Variants in SLC22A5 observed in about 807,000 individuals in gnomAD.
SLC22A5 encodes the protein organic cation/carnitine transporter 2.
In SLC22A5, 44 loss-of-function variants were observed where a neutral mutation model predicts 56.7. The ratio of observed to expected loss-of-function variants is 0.78; its 90% CI spans 0.61 to 1.00. SLC22A5 has a LOEUF of 1.00. Among genes scored for constraint, SLC22A5 ranks in the 50% least tolerant of loss-of-function variants. The pLI, the probability that SLC22A5 is intolerant of heterozygous loss-of-function variation, is 0.00. For missense variants in SLC22A5, 675 were observed against 723.0 expected, an observed-to-expected ratio of 0.93 and a Z score of 0.76; for synonymous variants, 278 against 292.1, an observed-to-expected ratio of 0.95 and a Z score of 0.49.
chr5:132,394,209 T>G lies in SLC22A5; in HGVS notation c.1611T>G (p.Ser537Arg). 1.2e-6 allele frequency: 2 copies of G among 1,613,524 alleles called. No individual in the cohort carries two copies. Among genetic ancestry groups the G allele is most frequent in the Non-Finnish European group, 1.7e-6 (2 of 1,179,380 alleles). ...GAATGAAACACAGAAAAACTCCAAG[T>G]CACACAAGGATGTTAAAAGATGGTC... is the stretch of plus-strand genomic sequence containing the variant. The part of the protein sequence containing the change: ...VKGMKHRKTP[S>R]HTRMLKDGQE... The change falls in exon 10 of 10, where the codon AGT (serine) becomes AGG (arginine). Residue 537 changes from serine to arginine, a missense_variant. Transcript: ENST00000245407.
At chr5:132,374,474 G>T (rs1384932035) in intron 1 of SLC22A5, among the ~76,000 whole-genome samples, 1 of 152,166 alleles carries the variant, frequency 6.6e-6, no homozygotes, top group Non-Finnish European at 1.5e-5. Flanking sequence ...TGGGACCGGG[G>T]CTGACTCTGG....
Position 132,369,747 on chromosome 5 carries a change from G to T in SLC22A5, c.-226G>T. The stretch of plus-strand genomic sequence containing the variant: ...GCCGCTCTGCCTGCCAGCGGGGCGC[G>T]CCTTGCGGCCCAGGCCCGCAACCTT... On this transcript the variant is annotated 5_prime_UTR_variant, in exon 1 of 10. Coordinates refer to ENST00000245407, the MANE Select transcript of SLC22A5 (RefSeq NM_003060.4). 2.0e-6 allele frequency: 1 copy of T among 489,078 alleles called. No homozygotes were observed. 30.3% of individuals were successfully genotyped at this position (489,078 alleles called of 1,614,324 possible).
intron 5 of SLC22A5, 148 bp downstream of exon 5, chr5:132,387,299 C>G: frequency 1.2e-6 from 1 of 834,572 alleles, no homozygotes; most frequent in Non-Finnish European, 2.0e-6. Context: ...TCCCCCCACT[C>G]CCCACCCCCA....
In SLC22A5 at chr5:132,388,990, C is replaced by G; in HGVS notation, c.1021C>G (p.Arg341Gly). The G allele has an allele frequency of 6.2e-7, 1 of 1,613,388 alleles. No individual in the cohort carries two copies. The highest frequency in any genetic ancestry group is 8.5e-7 in the Non-Finnish European group (1 of 1,179,320). ...GGATCTGCTTCGAACCTGGAATATCCGGATGGTCACCATCATGTCCATAAT... is the reference window on the plus strand; with the variant it reads ...GGATCTGCTTCGAACCTGGAATATCGGGATGGTCACCATCATGTCCATAAT... ...ILDLLRTWNI[R>G]MVTIMSIMLW... Residue 341 changes from arginine to glycine, a missense_variant, in exon 6 of 10, where the codon CGG becomes GGG. Coordinates refer to ENST00000245407, the MANE Select transcript of SLC22A5 (RefSeq NM_003060.4).
intron 1 of SLC22A5, among the ~76,000 whole-genome samples, chr5:132,374,196 G>C (rs1490759883): frequency 6.6e-6 from 1 of 151,432 alleles, no homozygotes; most frequent in Non-Finnish European, 1.5e-5. Flanking sequence ...GCCAGCCTGG[G>C]TGACAAGAGC....
At chr5:132,371,656 T>C (rs1252076033) in intron 1 of SLC22A5, among the ~76,000 whole-genome samples, 2 of 152,130 alleles carry the variant, frequency 1.3e-5, no homozygotes, top group African/African-American at 4.8e-5. Flanking sequence ...ATTCGCAGGT[T>C]AGAGAAGGCT....
At chr5:132,378,502 A>G (rs1223535641) in intron 2 of SLC22A5, 21 bp downstream of exon 2, 2 of 1,568,718 alleles carry the variant, frequency 1.3e-6, no homozygotes, top group Non-Finnish European at 1.8e-6. Context: ...TGTCTTCTGG[A>G]GCACCAGGGG....
chr5:132,383,941 C>T, intron 2 of SLC22A5: 1 of 617,532 alleles, frequency 1.6e-6, no homozygotes, highest in Non-Finnish European at 2.9e-6. Context: ...AACCCTGGTA[C>T]CCAGGCTGTA....
intron 4 of SLC22A5, among the ~76,000 whole-genome samples, chr5:132,385,759 T>G (rs541927382): frequency 6.6e-6 from 1 of 152,368 alleles, no homozygotes; most frequent in East Asian, 1.9e-4. Context: ...TGTGAGAAGA[T>G]GGGGTCCAGC....
chr5:132,378,345 G>A (rs1465335445), intron 1 of SLC22A5, 33 bp from the exon 2 acceptor site: 2 of 1,612,372 alleles, frequency 1.2e-6, no homozygotes, highest in Non-Finnish European at 1.7e-6. Flanking sequence ...TTAAAAAGAA[G>A]TGAATGATAC....
chr5:132,381,659 T>C (rs1007782474), intron 2 of SLC22A5: 5 of 152,234 alleles, frequency 3.3e-5, no homozygotes, highest in African/African-American at 1.2e-4. Context: ...TACTCCTGGG[T>C]TGTCAAAGCC....
chr5:132,386,168 A>C (rs13161860), intron 4 of SLC22A5, among the ~76,000 whole-genome samples: 11,698 of 151,880 alleles, frequency 0.077, 577 homozygotes, highest in East Asian at 0.28. Context: ...TCCATAGAGC[A>C]CTCAAGTGCC....
At position 132,392,399 on chromosome 5, in the gene SLC22A5, A is replaced by G. The variant is rs11568515; in HGVS notation, c.1268-34A>G. ...CAATAGCTGCATGCCATGGGTTGGT[A>G]CCTACTCCTACCCTCTTTCCTTTGC... On this transcript the variant is annotated intron_variant, in intron 7 of 9. Coordinates refer to ENST00000245407, the MANE Select transcript of SLC22A5 (RefSeq NM_003060.4). 0.011 allele frequency: 16,679 copies of G among 1,585,736 alleles called. 320 individuals are homozygous for G. Among genetic ancestry groups the G allele is most frequent in the African/African-American group, 0.084 (6,280 of 74,466 alleles).
At chr5:132,391,006 G>A in intron 7 of SLC22A5, 102 bp downstream of exon 7, 1 of 929,796 alleles carries the variant, frequency 1.1e-6, no homozygotes, top group Non-Finnish European at 1.7e-6. Context: ...GCCCATCACA[G>A]CTCCCTTGCT....
chr5:132,372,608 C>G (rs1751973988), intron 1 of SLC22A5, among the ~76,000 whole-genome samples: 1 of 152,150 alleles, frequency 6.6e-6, no homozygotes, highest in South Asian at 2.1e-4. Context: ...ATTTATTTAG[C>G]TGTCTTAGCA....
At chr5:132,385,298 T>C (rs1218993191) in intron 3 of SLC22A5, 30 bp from the exon 4 acceptor site, 8 of 1,607,004 alleles carry the variant, frequency 5.0e-6, no homozygotes, top group Non-Finnish European at 6.8e-6. Flanking sequence ...CAAATTAAAC[T>C]GCTAACTCGA....
intron 1 of SLC22A5, among the ~76,000 whole-genome samples, chr5:132,371,167 G>A (rs745386661): frequency 2.0e-5 from 3 of 152,056 alleles, no homozygotes; most frequent in South Asian, 2.1e-4. Flanking sequence ...GGGTTTCACC[G>A]TGTTGGCCAG....
chr5:132,387,188 T>C, intron 5 of SLC22A5, 37 bp downstream of exon 5: 1 of 1,613,452 alleles, frequency 6.2e-7, no homozygotes. Flanking sequence ...AGGGACAGAC[T>C]GACCGTGATT....
intron 5 of SLC22A5, among the ~76,000 whole-genome samples, chr5:132,387,642 T>G (rs927074942): frequency 3.9e-5 from 6 of 152,074 alleles, no homozygotes; most frequent in Admixed American, 6.5e-5. Context: ...AAGTGTTTAG[T>G]CTCTTTCTGC....
Sources: allele counts gnomAD v4.1 joint callset (sites outside exome capture counted in the v4.1 genomes callset), GRCh38; gene constraint gnomAD v4.1.1; transcripts MANE v1.5; gene names NCBI Gene and HGNC (gene_info 2026-07-23, HGNC 2026-07-21).